RNF24: variants seen among roughly 807,000 people sequenced by gnomAD.
The protein encoded by RNF24 is ring finger protein 24.
Under a neutral mutation model 20.0 loss-of-function variants are expected in RNF24, and 14 were observed. That is an observed-to-expected ratio of 0.70 (90% CI 0.46 to 1.10). The LOEUF (loss-of-function observed/expected upper bound fraction) is 1.10, where lower values mean the gene tolerates loss of function less well. RNF24 is among the 50% of genes least tolerant of loss of function. The pLI is 0.00. For missense variants in RNF24, 124 were observed against 177.6 expected (o/e 0.70, Z 1.71); for synonymous variants, 45 against 61.1 (o/e 0.74, Z 1.23).
chr20:3,946,453 TCAAAACAAAA>T (rs750605323), intron 3 of RNF24, among the ~76,000 whole-genome samples: 54 of 147,352 alleles, frequency 3.7e-4, no homozygotes, highest in African/African-American at 2.0e-4. Context: ...AGACCCTGTC[TCAAAACAAAA>T]CAAAACAAAA....
intron 1 of RNF24, among the ~76,000 whole-genome samples, chr20:3,974,720 T>C (rs879890524): frequency 4.6e-5 from 7 of 152,170 alleles, no homozygotes; most frequent in Non-Finnish European, 1.0e-4. Flanking sequence ...ACAGGACTTA[T>C]ATGCTAAAAA....
At chr20:4,011,656 T>C (rs1982469993) in intron 1 of RNF24, among the ~76,000 whole-genome samples, 1 of 152,088 alleles carries the variant, frequency 6.6e-6, no homozygotes, top group Non-Finnish European at 1.5e-5. Flanking sequence ...ACTCAGCAAA[T>C]GAAAACCAAA....
chr20:3,972,961 G>A (rs1015626144), intron 1 of RNF24, among the ~76,000 whole-genome samples: 2 of 151,492 alleles, frequency 1.3e-5, no homozygotes, highest in Non-Finnish European at 2.9e-5. Flanking sequence ...TCAGCACTTT[G>A]GGAGGCCGAG....
chr20:3,978,683 T>A (rs1979114487), intron 1 of RNF24, among the ~76,000 whole-genome samples: 2 of 152,166 alleles, frequency 1.3e-5, no homozygotes, highest in African/African-American at 4.8e-5. Context: ...GGAGTGCTAA[T>A]TATTTTTAAA....
At chr20:3,935,128 A>G (rs2090875279) in intron 4 of RNF24, 55 bp from the exon 5 acceptor site, 7 of 1,499,866 alleles carry the variant, frequency 4.7e-6, no homozygotes, top group Non-Finnish European at 1.9e-6. Flanking sequence ...CCTCCCAGGT[A>G]CAAAGTAGAG....
At chr20:4,005,843 G>C (rs1277286821) in intron 1 of RNF24, among the ~76,000 whole-genome samples, 3 of 152,040 alleles carry the variant, frequency 2.0e-5, no homozygotes, top group Non-Finnish European at 4.4e-5. Context: ...ATAGACAGCA[G>C]TGAAACTATT....
At chr20:3,954,670 T>C (rs1186856947) in intron 2 of RNF24, among the ~76,000 whole-genome samples, 1 of 152,022 alleles carries the variant, frequency 6.6e-6, no homozygotes, top group Non-Finnish European at 1.5e-5. Context: ...TTTGGGAGGC[T>C]GAGGCAGGTG....
At chr20:4,008,791 C>T (rs1242415953) in intron 1 of RNF24, among the ~76,000 whole-genome samples, 1 of 151,392 alleles carries the variant, frequency 6.6e-6, no homozygotes, top group Non-Finnish European at 1.5e-5. Flanking sequence ...ATGATCCACC[C>T]GCCTTGACCT....
intron 4 of RNF24, among the ~76,000 whole-genome samples, chr20:3,940,443 G>A (rs140794550): frequency 6.7e-6 from 1 of 149,778 alleles, no homozygotes; most frequent in East Asian, 1.9e-4. Flanking sequence ...TCCAGGACTT[G>A]TGGAACAACA....
intron 1 of RNF24, among the ~76,000 whole-genome samples, chr20:3,999,492 C>T (rs914818649): frequency 2.6e-5 from 4 of 152,138 alleles, no homozygotes; most frequent in Admixed American, 1.3e-4. Flanking sequence ...CAGTGGCTCA[C>T]GCCTGTAATT....
chr20:3,992,524 CTT>C (rs35424913), intron 1 of RNF24, among the ~76,000 whole-genome samples: 7 of 143,808 alleles, frequency 4.9e-5, no homozygotes, highest in Admixed American at 2.1e-4. Context: ...AGTATTTTGT[CTT>C]TTTTTTTTTT....
At chr20:4,001,878 T>C (rs1375864492) in intron 1 of RNF24, among the ~76,000 whole-genome samples, 1 of 151,866 alleles carries the variant, frequency 6.6e-6, no homozygotes, top group Non-Finnish European at 1.5e-5. Flanking sequence ...AGCCTGGAAG[T>C]TGAGGCTGTG....
In RNF24 at chr20:3,993,856, G is replaced by A. The variant is rs551719044; in HGVS notation, c.-8+21581C>T. Among the ~76,000 whole-genome samples, 15 of 152,214 alleles carry A rather than the reference G, an allele frequency of 9.9e-5. No homozygotes were observed. The South Asian group carries it at 1.2e-3, about 13-fold the overall frequency. On this transcript the variant is annotated intron_variant, in intron 1 of 5. Transcript: ENST00000358395. ...AACTTTTTATTTTGAAATAATTTTCGATTTATAGAAAAGTTGCAAGAGTTC... is the reference window on the plus strand; with the variant it reads ...AACTTTTTATTTTGAAATAATTTTCAATTTATAGAAAAGTTGCAAGAGTTC...
chr20:3,937,592 A>G (rs2090906461), intron 4 of RNF24, among the ~76,000 whole-genome samples: 1 of 144,218 alleles, frequency 6.9e-6, no homozygotes, highest in African/African-American at 2.6e-5. Context: ...CCATATTCAT[A>G]GGCAGTCATT....
rs1274324946 is a variant in RNF24 at position 3,934,526 on chromosome 20, G to A, written c.309-325C>T. 6.6e-6 allele frequency among the ~76,000 whole-genome samples: 1 copy of A among 152,188 alleles called. No individual in the cohort carries two copies. The highest frequency in any genetic ancestry group is 1.5e-5 in the Non-Finnish European group (1 of 68,034). On this transcript the variant is annotated intron_variant, in intron 5 of 5. Transcript: ENST00000358395. This position sits in a 1 kb window ranked among gnomAD's most constrained non-coding sequence, Gnocchi z 4.0. ...AATACACTGAGCAGGGATGTGAGAA[G>A]TAGGAAAATAAATTTTTCTAACAGA... is the stretch of plus-strand genomic sequence containing the variant.
At position 3,959,546 on chromosome 20, in the gene RNF24, C is replaced by T. The variant is rs576972604; in HGVS notation, c.143+4329G>A. On this transcript the variant is annotated intron_variant, in intron 2 of 5. Coordinates refer to ENST00000358395, the MANE Select transcript of RNF24 (RefSeq NM_001134337.3). ...GTAATATTTTGATACAAGCATACAA[C>T]GTATAATGATCAAATCAGGGTAACT... 1.0e-3 allele frequency among the ~76,000 whole-genome samples: 155 copies of T among 152,248 alleles called. 3 individuals are homozygous for T. The highest frequency in any genetic ancestry group is 6.0e-3 in the Admixed American group (92 of 15,288).
chr20:3,983,667 G>T (rs917535314), intron 1 of RNF24, among the ~76,000 whole-genome samples: 1 of 152,016 alleles, frequency 6.6e-6, no homozygotes, highest in Non-Finnish European at 1.5e-5. Context: ...TCAGCCAGGC[G>T]TCGTGGCTCA....
rs1265925395 is a variant in RNF24, at chr20:3,975,274, TAAACTTAA to T, written c.-7-11258_-7-11251del. ...AACAACTCAAAGTGGATCATGAACTTAAACTTAAAATGCAGAACAATGATACAGTTACA... is the reference window on the plus strand; with the variant it reads ...AACAACTCAAAGTGGATCATGAACTTAATGCAGAACAATGATACAGTTACA... On this transcript the variant is annotated intron_variant, in intron 1 of 5. Transcript: ENST00000358395. Among the ~76,000 whole-genome samples, 15 of 152,090 alleles carry T rather than the reference TAAACTTAA, an allele frequency of 9.9e-5. No homozygotes were observed. In the South Asian group the frequency reaches 3.1e-3, roughly 32 times the overall value.
chr20:3,967,973 CAAAAAAAA>C (rs58984163), intron 1 of RNF24, among the ~76,000 whole-genome samples: 5 of 77,180 alleles, frequency 6.5e-5, no homozygotes, highest in Admixed American at 4.4e-4. Context: ...AGCCTGGCAA[CAAAAAAAA>C]AAAAAAAAAA....
Sources: allele counts gnomAD v4.1 joint callset (sites outside exome capture counted in the v4.1 genomes callset), GRCh38; gene constraint gnomAD v4.1.1; non-coding constraint Gnocchi (gnomAD v3.1); transcripts MANE v1.5; gene names NCBI Gene and HGNC (gene_info 2026-07-23, HGNC 2026-07-21).